The following SCAMP2 variants were observed in gnomAD, a reference collection of about 807,000 sequenced individuals.
SCAMP2 encodes the protein secretory carrier-associated membrane protein 2.
Under a neutral mutation model 44.1 loss-of-function variants are expected in SCAMP2, and 25 were observed. The ratio of observed to expected loss-of-function variants is 0.57; its 90% CI spans 0.41 to 0.79. The LOEUF is 0.79. Ranked by LOEUF, SCAMP2 falls within the 30% of genes least tolerant of loss-of-function variation. The probability of loss-of-function intolerance (pLI) is 0.00; values close to 1 mark genes in which losing one functional copy is unlikely to be tolerated. For synonymous variants in SCAMP2, 156 were observed against 166.0 expected, an observed-to-expected ratio of 0.94 and a Z score of 0.46; for missense variants, 355 against 411.0, an observed-to-expected ratio of 0.86 and a Z score of 1.18.
Position 74,873,111 on chromosome 15 carries a change from C to A in SCAMP2, c.57+88G>T, listed in dbSNP as rs554601435. On this transcript the variant is annotated intron_variant, in intron 1 of 8. Coordinates refer to ENST00000268099, the MANE Select transcript of SCAMP2 (RefSeq NM_005697.5). ...GGCAGATGACCCGTCCCTCCTACGC[C>A]ACGTCTCCCGGCTCTAGCGAGAGGC... 74 of 1,196,690 alleles carry A rather than the reference C, an allele frequency of 6.2e-5. 1 individual carries two copies. The African/African-American group carries it at 1.1e-3, about 18-fold the overall frequency. 74.1% of individuals were successfully genotyped at this position (1,196,690 alleles called of 1,614,324 possible).
chr15:74,857,306 G>A (rs2064474485), intron 1 of SCAMP2, among the ~76,000 whole-genome samples: 1 of 152,218 alleles, frequency 6.6e-6, no homozygotes, highest in Non-Finnish European at 1.5e-5. Context: ...GTGACAAGGT[G>A]AAGTTCAGGA....
chr15:74,853,752 T>C, intron 3 of SCAMP2: 3 of 528,466 alleles, frequency 5.7e-6, no homozygotes, highest in Non-Finnish European at 1.0e-5. Context: ...CAGGGACAAA[T>C]GCCCTCTCTG....
intron 1 of SCAMP2, among the ~76,000 whole-genome samples, chr15:74,863,290 TGA>T (rs2064520854): frequency 6.7e-6 from 1 of 149,566 alleles, no homozygotes; most frequent in Non-Finnish European, 1.5e-5. Flanking sequence ...GAGATTGCAG[TGA>T]GTCGAGATCA....
rs542857846 is a variant in SCAMP2, at chr15:74,855,237, G to A, written c.58-588C>T. Among the ~76,000 whole-genome samples the A allele has an allele frequency of 3.0e-3, 450 of 151,984 alleles. 5 individuals are homozygous for A. Among genetic ancestry groups the A allele is most frequent in the Middle Eastern group, 0.021 (6 of 290 alleles). Reference sequence around the variant, plus strand: ...TCCTGCCTCAGCCTCCTGAGTAGCTGGGACTACAGGCGGCCGCCACCATAC... The same window carrying A: ...TCCTGCCTCAGCCTCCTGAGTAGCTAGGACTACAGGCGGCCGCCACCATAC... On this transcript the variant is annotated intron_variant, in intron 1 of 8. Coordinates refer to ENST00000268099, the MANE Select transcript of SCAMP2 (RefSeq NM_005697.5).
At chr15:74,865,380 CAAAAAAAA>C (rs71140104) in intron 1 of SCAMP2, among the ~76,000 whole-genome samples, 2 of 108,754 alleles carry the variant, frequency 1.8e-5, no homozygotes, top group Non-Finnish European at 3.5e-5. Context: ...GACTTTGTCT[CAAAAAAAA>C]AAAAAAGAAA....
intron 6 of SCAMP2, among the ~76,000 whole-genome samples, chr15:74,850,260 G>C (rs1162679358): frequency 6.6e-6 from 1 of 152,170 alleles, no homozygotes. Context: ...AGTGGGATGG[G>C]AGGTCCCTTC....
intron 6 of SCAMP2, 120 bp downstream of exon 6, chr15:74,850,394 G>T: frequency 1.0e-6 from 1 of 974,950 alleles, no homozygotes. Context: ...TAGGGAAAGT[G>T]GATTTCCCTA....
chr15:74,873,193 C>A lies in SCAMP2; in HGVS notation c.57+6G>T. On this transcript the variant is annotated splice_donor_region_variant and intron_variant, in intron 1 of 8. Coordinates refer to ENST00000268099, the MANE Select transcript of SCAMP2 (RefSeq NM_005697.5). ...TGAGAGCTGGATGGCGGGAGAGGGGCTCTACCTGGAAGGGGTTTACATCCA... is the reference window on the plus strand; with the variant it reads ...TGAGAGCTGGATGGCGGGAGAGGGGATCTACCTGGAAGGGGTTTACATCCA... The A allele has an allele frequency of 6.9e-7, 1 of 1,439,074 alleles. No homozygotes were observed. Among genetic ancestry groups the A allele is most frequent in the Non-Finnish European group, 9.1e-7 (1 of 1,101,338 alleles). The allele number at this position is 1,439,074 out of a possible 1,614,324, so 89.1% of individuals were successfully genotyped here.
rs1412093900 is a variant in SCAMP2 at position 74,873,238 on chromosome 15, G to A, written c.18C>T (p.Thr6=). Residue 6 remains threonine (T), a synonymous_variant, in exon 1 of 9, where the codon ACC becomes ACT. Coordinates refer to ENST00000268099, the MANE Select transcript of SCAMP2 (RefSeq NM_005697.5). ...CATCCACTGGGTCCGCGAAGGGGTT[G>A]GTGTCGAAAGCCGACATGGTGATCG... MSAFD[T]NPFADPVDVN... 4 of 1,466,912 alleles carry A rather than the reference G, an allele frequency of 2.7e-6. No homozygotes were observed. Among genetic ancestry groups the A allele is most frequent in the Non-Finnish European group, 3.6e-6 (4 of 1,115,698 alleles). 90.9% of individuals were successfully genotyped at this position (1,466,912 alleles called of 1,614,324 possible). A position where few individuals can be genotyped will look rare whatever the true frequency, so the allele number is the denominator to read the frequency against.
At chr15:74,855,922 C>T (rs1006964162) in intron 1 of SCAMP2, among the ~76,000 whole-genome samples, 4 of 152,072 alleles carry the variant, frequency 2.6e-5, no homozygotes, top group East Asian at 1.9e-4. Context: ...AGAACACAAC[C>T]TTGTCTCCCT....
At chr15:74,859,993 G>A (rs1237559605) in intron 1 of SCAMP2, among the ~76,000 whole-genome samples, 9 of 152,200 alleles carry the variant, frequency 5.9e-5, no homozygotes, top group Non-Finnish European at 1.0e-4. Flanking sequence ...AGCCGGGCAC[G>A]GTGGCTCAAG....
chr15:74,850,659 G>C lies in SCAMP2; in HGVS notation c.487C>G (p.Leu163Val). Residue 163 changes from leucine (L) to valine (V), a missense_variant, in exon 6 of 9, where the codon CTG becomes GTG. Physicochemically the swap from Leu to Val is conservative, Grantham distance 32. Transcript: ENST00000268099. ...AGGCAGGCAAGCAGGTTCAGAAACA[G>C]AGTCACTGAATGCACTGGGGAAGGG... ...YYLWMLHSVT[L>V]FLNLLACLAW... The C allele has an allele frequency of 6.2e-7, 1 of 1,614,030 alleles. No individual in the cohort carries two copies. The highest frequency in any genetic ancestry group is 8.5e-7 in the Non-Finnish European group (1 of 1,179,952).
At chr15:74,845,729 GAGC>G in intron 7 of SCAMP2, 136 bp from the exon 8 acceptor site, 1 of 1,106,152 alleles carries the variant, frequency 9.0e-7, no homozygotes, top group Non-Finnish European at 1.3e-6. Context: ...GGAGCCCTGT[GAGC>G]CAGAAGCCCT....
chr15:74,851,246 A>G, intron 5 of SCAMP2, 107 bp downstream of exon 5: 1 of 1,295,974 alleles, frequency 7.7e-7, no homozygotes, highest in Admixed American at 1.9e-5. Context: ...GGAAGGCTGG[A>G]GTCTGCTGAA....
At chr15:74,845,765 G>A (rs73434494) in intron 7 of SCAMP2, among the ~76,000 whole-genome samples, 172 bp from the exon 8 acceptor site, 3,371 of 152,310 alleles carry the variant, frequency 0.022, 88 homozygotes, top group Admixed American at 0.056. Context: ...CCAGACCTCC[G>A]TGAAGGCTGA....
intron 6 of SCAMP2, among the ~76,000 whole-genome samples, chr15:74,849,611 G>A (rs1025679042): frequency 1.3e-5 from 2 of 152,026 alleles, no homozygotes; most frequent in Non-Finnish European, 2.9e-5. Context: ...AGGTGTGATT[G>A]TGTGTGCCTG....
chr15:74,865,146 C>T (rs1325540507), intron 1 of SCAMP2, among the ~76,000 whole-genome samples: 3 of 142,882 alleles, frequency 2.1e-5, no homozygotes, highest in African/African-American at 5.2e-5. Context: ...TTTGGGAGGC[C>T]AAGGCAGGTG....
chr15:74,858,212 T>C (rs1437480167), intron 1 of SCAMP2, among the ~76,000 whole-genome samples: 1 of 152,084 alleles, frequency 6.6e-6, no homozygotes, highest in African/African-American at 2.4e-5. Flanking sequence ...CACCACACAA[T>C]GATGCTACTG....
chr15:74,854,232 C>A, intron 2 of SCAMP2, 113 bp from the exon 3 acceptor site: 1 of 963,954 alleles, frequency 1.0e-6, no homozygotes. Flanking sequence ...GGGACTCCCT[C>A]GGGGCCTGCA....
Sources: gnomAD v4.1 joint callset for allele counts (sites outside exome capture counted in the v4.1 genomes callset) on GRCh38, gnomAD v4.1.1 for gene constraint, MANE v1.5 for transcripts, NCBI Gene and HGNC (gene_info 2026-07-23, HGNC 2026-07-21) for gene names.